Variants in RIMS2 observed in about 807,000 individuals in gnomAD.
RIMS2 encodes regulating synaptic membrane exocytosis 2.
Under a neutral mutation model 174.4 loss-of-function variants are expected in RIMS2, and 59 were observed. That is an observed-to-expected ratio of 0.34 (90% CI 0.27 to 0.42). The LOEUF (loss-of-function observed/expected upper bound fraction) is 0.42. RIMS2 is among the 10% of genes least tolerant of loss of function. RIMS2 has a pLI of 1.00. For synonymous variants in RIMS2, 606 were observed against 572.5 expected (o/e 1.06, Z -0.84); for missense variants, 1,620 against 1,666.3 (o/e 0.97, Z 0.48).
At chr8:103,689,899 T>C (rs1021361775) in intron 1 of RIMS2, among the ~76,000 whole-genome samples, 3 of 95,624 alleles carry the variant, frequency 3.1e-5, no homozygotes, top group African/African-American at 1.4e-4. Context: ...CAACAGAATA[T>C]TGGATTTTTT....
At chr8:104,236,807 T>A (rs2099261333) in intron 19 of RIMS2, among the ~76,000 whole-genome samples, 1 of 152,090 alleles carries the variant, frequency 6.6e-6, no homozygotes, top group African/African-American at 2.4e-5. Flanking sequence ...TGACTAAATG[T>A]AATGTGGTAT....
intron 13 of RIMS2, among the ~76,000 whole-genome samples, chr8:103,938,235 C>G (rs947804699): frequency 6.6e-6 from 1 of 152,018 alleles, no homozygotes; most frequent in Non-Finnish European, 1.5e-5. Context: ...TTCATTTTCA[C>G]GCTGCTGATA....
chr8:104,102,682 G>A (rs531862240), intron 19 of RIMS2, among the ~76,000 whole-genome samples: 6 of 152,278 alleles, frequency 3.9e-5, no homozygotes, highest in African/African-American at 1.4e-4. Context: ...GAGGAGAAAG[G>A]CACATCTTAC....
chr8:103,830,751 C>T (rs995244209), intron 3 of RIMS2, among the ~76,000 whole-genome samples: 3 of 152,162 alleles, frequency 2.0e-5, no homozygotes, highest in Non-Finnish European at 4.4e-5. Flanking sequence ...TTAATTCTGT[C>T]AGCTTTTGCT....
chr8:104,225,576 TATC>T (rs2099182451), intron 19 of RIMS2, among the ~76,000 whole-genome samples: 1 of 152,192 alleles, frequency 6.6e-6, no homozygotes, highest in Non-Finnish European at 1.5e-5. Flanking sequence ...GTTTACAAAA[TATC>T]ATTCCAAAAA....
intron 3 of RIMS2, among the ~76,000 whole-genome samples, chr8:103,842,201 T>A (rs924595800): frequency 6.6e-6 from 1 of 152,110 alleles, no homozygotes; most frequent in African/African-American, 2.4e-5. Flanking sequence ...ATAATTTCAG[T>A]TATTTTATAT....
rs1232115806 is a variant in RIMS2, at chr8:103,785,207, A to T, written c.698+18670A>T. 2.7e-5 allele frequency among the ~76,000 whole-genome samples: 4 copies of T among 146,938 alleles called. No homozygotes were observed. The East Asian group carries it at 7.9e-4, about 29-fold the overall frequency. ...GGTTTTCTAGATATACAATCATGTC[A>T]TCTGCAAACAGGGACAATTTGACTT... On this transcript the variant is annotated intron_variant, in intron 3 of 23. Transcript: ENST00000504942.
intron 19 of RIMS2, among the ~76,000 whole-genome samples, chr8:104,129,897 T>G (rs927144844): frequency 2.0e-5 from 3 of 152,218 alleles, no homozygotes; most frequent in African/African-American, 7.2e-5. Context: ...GTTAATTGGT[T>G]GACATCTATA....
chr8:103,634,334 C>T (rs994364244), intron 1 of RIMS2, among the ~76,000 whole-genome samples: 8 of 152,166 alleles, frequency 5.3e-5, no homozygotes, highest in Non-Finnish European at 8.8e-5. Flanking sequence ...TTGTTTCGAG[C>T]GACTTTCATT....
chr8:104,114,351 T>A (rs1174368517), intron 19 of RIMS2, among the ~76,000 whole-genome samples: 2 of 151,980 alleles, frequency 1.3e-5, no homozygotes, highest in Non-Finnish European at 2.9e-5. Context: ...CAATTTGGTA[T>A]TAAATCAGTA....
intron 3 of RIMS2, among the ~76,000 whole-genome samples, chr8:103,820,874 A>G (rs984698193): frequency 6.6e-6 from 1 of 151,444 alleles, no homozygotes; most frequent in East Asian, 1.9e-4. Flanking sequence ...AAAGTGATAC[A>G]TCACTTTAGT....
At chr8:103,538,679 G>A (rs1841043741) in intron 1 of RIMS2, among the ~76,000 whole-genome samples, 1 of 152,098 alleles carries the variant, frequency 6.6e-6, no homozygotes, top group Non-Finnish European at 1.5e-5. Flanking sequence ...ACCACGCCTG[G>A]CTAATTTTTA....
chr8:103,586,709 C>A (rs2093940510), intron 1 of RIMS2, among the ~76,000 whole-genome samples: 1 of 151,528 alleles, frequency 6.6e-6, no homozygotes, highest in Non-Finnish European at 1.5e-5. Flanking sequence ...ACACTGAACC[C>A]AAAATTTGTA....
chr8:104,237,342 A>G (rs1289652973), intron 19 of RIMS2, among the ~76,000 whole-genome samples: 1 of 152,194 alleles, frequency 6.6e-6, no homozygotes, highest in Admixed American at 6.5e-5. Context: ...GGCTTAACAC[A>G]AAAAATTTAT....
At chr8:103,763,333 G>A (rs1343115490) in intron 2 of RIMS2, among the ~76,000 whole-genome samples, 2 of 152,012 alleles carry the variant, frequency 1.3e-5, no homozygotes, top group Admixed American at 6.6e-5. Context: ...CTACTTGAGG[G>A]ACTGAGGCAG....
chr8:104,140,235 T>G (rs576673647), intron 19 of RIMS2, among the ~76,000 whole-genome samples: 3 of 152,286 alleles, frequency 2.0e-5, no homozygotes, highest in African/African-American at 7.2e-5. Flanking sequence ...TATAATATTC[T>G]CTTGAATATT....
chr8:103,772,740 T>C (rs2098268111), intron 3 of RIMS2, among the ~76,000 whole-genome samples: 1 of 152,146 alleles, frequency 6.6e-6, no homozygotes, highest in South Asian at 2.1e-4. Flanking sequence ...CATTGTGGCA[T>C]TGGCATAAAG....
At chr8:103,994,172 T>C (rs1234563322) in intron 17 of RIMS2, among the ~76,000 whole-genome samples, 1 of 152,138 alleles carries the variant, frequency 6.6e-6, no homozygotes, top group Non-Finnish European at 1.5e-5. Flanking sequence ...CTTTTTTGTA[T>C]GGACTAAAGT....
chr8:104,243,836 C>T (rs1056580392), intron 19 of RIMS2, among the ~76,000 whole-genome samples: 8 of 152,200 alleles, frequency 5.3e-5, no homozygotes, highest in Non-Finnish European at 7.3e-5. Context: ...CCCTCTTGCT[C>T]GAGCTTTGGT....
Sources: allele counts gnomAD v4.1 joint callset (sites outside exome capture counted in the v4.1 genomes callset), GRCh38; gene constraint gnomAD v4.1.1; transcripts MANE v1.5; gene names NCBI Gene and HGNC (gene_info 2026-07-23, HGNC 2026-07-21).